The following TENM3 variants were observed in gnomAD, a reference collection of about 807,000 sequenced individuals.
The protein encoded by TENM3 is teneurin-3.
In TENM3, 63 loss-of-function variants were observed where a neutral mutation model predicts 255.1. The observed-to-expected ratio is 0.25, with a 90% CI of 0.20 to 0.30. TENM3 has a LOEUF of 0.30. Among genes scored for constraint, TENM3 ranks in the 10% least tolerant of loss-of-function variants. The probability of loss-of-function intolerance (pLI) is 1.00; values close to 1 mark genes in which losing one functional copy is unlikely to be tolerated. For missense variants in TENM3, 2,929 were observed against 3,461.1 expected, an observed-to-expected ratio of 0.85 and a Z score of 3.86; for synonymous variants, 1,306 against 1,322.3, an observed-to-expected ratio of 0.99 and a Z score of 0.27.
At chr4:181,536,405 A>G in the TENM3 span, among the ~76,000 whole-genome samples, 271 of 152,370 alleles carry the variant, frequency 1.8e-3, no homozygotes, top group African/African-American at 6.1e-3. Context: ...AGATGACGTC[A>G]CTGCAGTGTC....
chr4:181,515,999 G>A, the TENM3 span, among the ~76,000 whole-genome samples: 2 of 152,174 alleles, frequency 1.3e-5, no homozygotes, highest in African/African-American at 4.8e-5. Flanking sequence ...TATGCATCAT[G>A]GAATACTATG....
intron 3 of TENM3, among the ~76,000 whole-genome samples, chr4:182,452,946 C>T (rs1773586721): frequency 6.6e-6 from 1 of 151,910 alleles, no homozygotes; most frequent in Admixed American, 6.6e-5. Flanking sequence ...TTTGGAATAC[C>T]TTGTCTTCTG....
At chr4:181,939,761 T>G in the TENM3 span, among the ~76,000 whole-genome samples, 1 of 152,194 alleles carries the variant, frequency 6.6e-6, no homozygotes, top group African/African-American at 2.4e-5. Context: ...TACCGCTTGA[T>G]GAGAGAACCC....
At chr4:182,129,523 G>T in the TENM3 span, among the ~76,000 whole-genome samples, 5 of 152,078 alleles carry the variant, frequency 3.3e-5, no homozygotes, top group African/African-American at 1.2e-4. Context: ...CACCTGGCTT[G>T]AAAGACTATA....
chr4:182,764,731 G>T (rs1220925029), intron 22 of TENM3, among the ~76,000 whole-genome samples: 1 of 152,140 alleles, frequency 6.6e-6, no homozygotes, highest in Non-Finnish European at 1.5e-5. Flanking sequence ...GGAGGGAGAT[G>T]GTGCCTCTGC....
At chr4:182,256,050 C>T (rs927710276) in intron 1 of TENM3, among the ~76,000 whole-genome samples, 2 of 152,164 alleles carry the variant, frequency 1.3e-5, no homozygotes, top group African/African-American at 4.8e-5. Context: ...TGGGACTCTG[C>T]CAAGGGCCCT....
upstream of TENM3, among the ~76,000 whole-genome samples, chr4:182,242,773 T>G (rs1757363674): frequency 6.6e-6 from 1 of 152,086 alleles, no homozygotes; most frequent in African/African-American, 2.4e-5. Context: ...ACAATAAAAC[T>G]TACTGGTTTT....
At chr4:181,626,193 G>A in the TENM3 span, among the ~76,000 whole-genome samples, 4 of 152,112 alleles carry the variant, frequency 2.6e-5, no homozygotes, top group South Asian at 2.1e-4. Context: ...AGAAGGCTGC[G>A]GTGGCAGAGG....
intron 5 of TENM3, among the ~76,000 whole-genome samples, chr4:182,647,534 G>C (rs1044570389): frequency 6.6e-6 from 1 of 152,098 alleles, no homozygotes; most frequent in Non-Finnish European, 1.5e-5. Flanking sequence ...TTTGCATGTC[G>C]CATTCTATAG....
At chr4:182,080,609 C>T in the TENM3 span, among the ~76,000 whole-genome samples, 1 of 152,128 alleles carries the variant, frequency 6.6e-6, no homozygotes, top group Non-Finnish European at 1.5e-5. Context: ...CATTCATAAA[C>T]GTGCATGGAA....
intron 3 of TENM3, chr4:182,350,297 G>A (rs1231509341): frequency 6.6e-6 from 1 of 152,228 alleles, no homozygotes; most frequent in Non-Finnish European, 1.5e-5. Context: ...CAAAACAAGT[G>A]ATAAGATTTA....
the TENM3 span, among the ~76,000 whole-genome samples, chr4:181,673,745 T>A: frequency 6.6e-6 from 1 of 152,152 alleles, no homozygotes; most frequent in Admixed American, 6.6e-5. Flanking sequence ...GTAGTTATCG[T>A]AACTTCATTC....
intron 1 of TENM3, among the ~76,000 whole-genome samples, chr4:182,202,910 T>A (rs557537160): frequency 6.6e-6 from 1 of 152,026 alleles, no homozygotes; most frequent in East Asian, 1.9e-4. Context: ...TGGGAGACAA[T>A]GTGTCATTAT....
the TENM3 span, among the ~76,000 whole-genome samples, chr4:181,628,383 G>T: frequency 6.6e-6 from 1 of 152,246 alleles, no homozygotes; most frequent in South Asian, 2.1e-4. Flanking sequence ...ATTGCTTTTG[G>T]TGTTTTAGAC....
At chr4:182,064,441 GGTGGCGGGCGCCTGTA>G in the TENM3 span, among the ~76,000 whole-genome samples, 38 of 152,220 alleles carry the variant, frequency 2.5e-4, no homozygotes, top group Admixed American at 5.9e-4. Flanking sequence ...AGCCGGGCGT[GGTGGCGGGCGCCTGTA>G]GTCCCAGCTA....
intron 16 of TENM3, among the ~76,000 whole-genome samples, chr4:182,731,876 G>T (rs1360886503): frequency 6.6e-6 from 1 of 151,854 alleles, no homozygotes; most frequent in South Asian, 2.1e-4. Flanking sequence ...CCACCTCCCG[G>T]GTTCACGCCA....
At chr4:182,476,608 T>C (rs1733707501) in intron 3 of TENM3, among the ~76,000 whole-genome samples, 1 of 152,210 alleles carries the variant, frequency 6.6e-6, no homozygotes, top group South Asian at 2.1e-4. Context: ...ATATATTTCA[T>C]TTCTCAAGTT....
At chr4:182,281,988 G>A (rs1015645370) in intron 1 of TENM3, among the ~76,000 whole-genome samples, 2 of 152,070 alleles carry the variant, frequency 1.3e-5, no homozygotes, top group Non-Finnish European at 2.9e-5. Flanking sequence ...TGCCCGCCTC[G>A]GCCTCCCAAT....
intron 1 of TENM3, among the ~76,000 whole-genome samples, chr4:182,318,501 A>G (rs1297544584): frequency 1.3e-5 from 2 of 152,214 alleles, no homozygotes; most frequent in African/African-American, 2.4e-5. Flanking sequence ...TTTAAATAAT[A>G]CATCTGAAAT....
Sources: gnomAD v4.1 joint callset for allele counts (sites outside exome capture counted in the v4.1 genomes callset) on GRCh38, gnomAD v4.1.1 for gene constraint, MANE v1.5 for transcripts, NCBI Gene and HGNC (gene_info 2026-07-23, HGNC 2026-07-21) for gene names.